Variants in MAX observed in about 807,000 individuals in gnomAD.
MAX encodes the protein MYC associated transcriptional regulator X, also known as protein max.
A neutral mutation model predicts 22.3 loss-of-function variants in MAX; 3 were observed. That is an observed-to-expected ratio of 0.13 (90% CI 0.06 to 0.35). The LOEUF (loss-of-function observed/expected upper bound fraction) is 0.35. MAX is among the 10% of genes least tolerant of loss of function. The probability of loss-of-function intolerance (pLI) is 1.00; values close to 1 mark genes in which losing one functional copy is unlikely to be tolerated. For synonymous variants in MAX, 72 were observed against 77.7 expected (o/e 0.93, Z 0.39); for missense variants, 119 against 209.4 (o/e 0.57, Z 2.66).
At chr14:65,087,050 G>A (rs1309846254) in intron 3 of MAX, among the ~76,000 whole-genome samples, 3 of 152,250 alleles carry the variant, frequency 2.0e-5, no homozygotes, top group Admixed American at 6.5e-5. Flanking sequence ...GAGGGTGCCA[G>A]CCCCAAGCCT....
chr14:65,089,830 G>T, intron 3 of MAX: 1 of 124,274 alleles, frequency 8.0e-6, no homozygotes, highest in South Asian at 2.9e-4. Context: ...AGTTGATCTT[G>T]CCCTTACTCC....
At chr14:65,016,239 G>A (rs1327615638) in intron 3 of MAX, among the ~76,000 whole-genome samples, 1 of 152,136 alleles carries the variant, frequency 6.6e-6, no homozygotes, top group Non-Finnish European at 1.5e-5. Flanking sequence ...AAACCTGATC[G>A]ATGATTAGAG....
intron 3 of MAX, among the ~76,000 whole-genome samples, chr14:65,022,758 TCTGA>T (rs2061912386): frequency 6.6e-6 from 1 of 152,200 alleles, no homozygotes; most frequent in Admixed American, 6.5e-5. Context: ...CAGATACAGT[TCTGA>T]CTAATACTGC....
chr14:65,037,747 TA>T (rs200418286), intron 3 of MAX, among the ~76,000 whole-genome samples: 26,374 of 93,962 alleles, frequency 0.28, 3,048 homozygotes, highest in Non-Finnish European at 0.32. Context: ...ATTTATTATT[TA>T]TTTATTTATT....
upstream of MAX, chr14:65,102,549 C>G: frequency 1.4e-6 from 2 of 1,445,514 alleles, no homozygotes; most frequent in Non-Finnish European, 1.8e-6. Flanking sequence ...CACGCACGCC[C>G]GGTCGGCCCC....
chr14:65,042,871 G>T (rs1185208633), intron 3 of MAX, among the ~76,000 whole-genome samples: 4 of 152,212 alleles, frequency 2.6e-5, no homozygotes, highest in African/African-American at 9.6e-5. Flanking sequence ...CATGCTGGAA[G>T]CCCTGGTTCA....
At chr14:65,060,600 G>C (rs2062840752) in intron 3 of MAX, among the ~76,000 whole-genome samples, 1 of 113,322 alleles carries the variant, frequency 8.8e-6, no homozygotes, top group Non-Finnish European at 1.6e-5. Flanking sequence ...GGAGGCTGAG[G>C]CAGGAGAATG....
In MAX at chr14:65,009,870, G is replaced by A. The variant is rs1002943934; in HGVS notation, c.172-3586C>T. ...GCTGATCACAGCGTTTATTGGACAG[G>A]GCTCTGCTTGTCATTTTCACATGTG... On this transcript the variant is annotated intron_variant, in intron 3 of 3. Coordinates refer to the MAX transcript ENST00000341653. This position sits in a 1 kb window ranked among gnomAD's most constrained non-coding sequence, Gnocchi z 4.2. Among the ~76,000 whole-genome samples the A allele has an allele frequency of 3.9e-5, 6 of 152,070 alleles. 1 individual carries two copies. Among genetic ancestry groups the A allele is most frequent in the Admixed American group, 3.3e-4 (5 of 15,252 alleles).
chr14:65,058,281 T>G (rs1470569275), intron 3 of MAX, among the ~76,000 whole-genome samples: 4 of 152,060 alleles, frequency 2.6e-5, no homozygotes, highest in South Asian at 4.1e-4. Flanking sequence ...GTTAGAGTTA[T>G]GTCTAATTTA....
Position 65,054,611 on chromosome 14 carries a change from C to T in MAX, c.171+39097G>A, listed in dbSNP as rs765948181. On this transcript the variant is annotated intron_variant, in intron 3 of 3. Coordinates refer to the MAX transcript ENST00000341653. The surrounding 1 kb of genome is among the most constrained non-coding windows in gnomAD (Gnocchi z 4.4). Reference sequence around the variant, plus strand: ...TCTACCACACCTGCTACTGCCTGAGCGGCCTGTCCATAGCCCAGCACTTCG... The same window carrying T: ...TCTACCACACCTGCTACTGCCTGAGTGGCCTGTCCATAGCCCAGCACTTCG... The T allele has an allele frequency of 8.7e-6, 14 of 1,613,650 alleles. No individual in the cohort carries two copies. The highest frequency in any genetic ancestry group is 2.2e-5 in the South Asian group (2 of 90,978).
intron 3 of MAX, chr14:65,015,551 C>G: frequency 6.6e-7 from 1 of 1,523,926 alleles, no homozygotes; most frequent in Non-Finnish European, 9.0e-7. Flanking sequence ...GGGAGTGAGA[C>G]AGATACAGCC....
In MAX at chr14:65,031,052, C is replaced by T. The variant is rs1016991163; in HGVS notation, c.172-24768G>A. 6.6e-6 allele frequency among the ~76,000 whole-genome samples: 1 copy of T among 152,046 alleles called. No homozygotes were observed. The highest frequency in any genetic ancestry group is 2.4e-5 in the African/African-American group (1 of 41,408). ...CGAACTCCTGACCTCAAATAATCCA[C>T]CTGCCTTAGCCTCCCAAAGTGCTGG... is the stretch of plus-strand genomic sequence containing the variant. On this transcript the variant is annotated intron_variant, in intron 3 of 3. Transcript: ENST00000341653. The surrounding 1 kb of genome is among the most constrained non-coding windows in gnomAD (Gnocchi z 4.6).
chr14:65,093,424 GTATAGT>G lies in MAX; in HGVS notation c.171+278_171+283del, dbSNP rs1226508238. The G allele has an allele frequency of 4.6e-6, 2 of 435,050 alleles. No individual in the cohort carries two copies. The highest frequency in any genetic ancestry group is 2.0e-5 in the African/African-American group (1 of 49,688). 26.9% of individuals were successfully genotyped at this position (435,050 alleles called of 1,614,324 possible). A position where few individuals can be genotyped will look rare whatever the true frequency, so the allele number is the denominator to read the frequency against. On this transcript the variant is annotated intron_variant, in intron 3 of 4. Coordinates refer to ENST00000358664, the MANE Select transcript of MAX (RefSeq NM_002382.5). This position sits in a 1 kb window ranked among gnomAD's most constrained non-coding sequence, Gnocchi z 4.4. ...TCTTGGCCACTCTTTATACTATAGT[GTATAGT>G]TATAATTTCTTGAATTTATTACAAA...
Position 65,032,348 on chromosome 14 carries a change from C to T in MAX, c.172-26064G>A. 3.0e-6 allele frequency: 1 copy of T among 331,942 alleles called. No individual in the cohort carries two copies. The highest frequency in any genetic ancestry group is 7.2e-5 in the South Asian group (1 of 13,880). The allele number at this position is 331,942 out of a possible 1,614,324, so 20.6% of individuals were successfully genotyped here. Reference sequence around the variant, plus strand: ...CATGAATTGATATGGCTGTTATTTCCTCTGATGTAGATTGGACCATGTGGA... The same window carrying T: ...CATGAATTGATATGGCTGTTATTTCTTCTGATGTAGATTGGACCATGTGGA... On this transcript the variant is annotated intron_variant, in intron 3 of 3. Coordinates refer to the MAX transcript ENST00000341653. The surrounding 1 kb of genome is among the most constrained non-coding windows in gnomAD (Gnocchi z 5.0).
chr14:65,030,973 A>G lies in MAX; in HGVS notation c.172-24689T>C, dbSNP rs1013501408. On this transcript the variant is annotated intron_variant, in intron 3 of 3. Transcript: ENST00000341653. The surrounding 1 kb of genome is among the most constrained non-coding windows in gnomAD (Gnocchi z 4.5). ...CAGGCGTGTGCCACCATGCCCAGCT[A>G]ATTTTTGTATTTTTAGTAGAGACGA... Among the ~76,000 whole-genome samples, 5 of 151,898 alleles carry G rather than the reference A, an allele frequency of 3.3e-5. No individual in the cohort carries two copies. Among genetic ancestry groups the G allele is most frequent in the African/African-American group, 1.2e-4 (5 of 41,336 alleles).
Position 65,044,550 on chromosome 14 carries a change from T to C in MAX, c.172-38266A>G, listed in dbSNP as rs891948705. 9.5e-6 allele frequency: 14 copies of C among 1,480,088 alleles called. No homozygotes were observed. Among genetic ancestry groups the C allele is most frequent in the Non-Finnish European group, 1.3e-5 (14 of 1,117,258 alleles). The allele number at this position is 1,480,088 out of a possible 1,614,324, so 91.7% of individuals were successfully genotyped here. On this transcript the variant is annotated intron_variant, in intron 3 of 3. Transcript: ENST00000341653. The surrounding 1 kb of genome is among the most constrained non-coding windows in gnomAD (Gnocchi z 5.5). Reference sequence around the variant, plus strand: ...TAGAGGGGTTGAAATGAGCTCTGTCTATCCTGGATTTTGAGTGCCCAGTGT... The same window carrying C: ...TAGAGGGGTTGAAATGAGCTCTGTCCATCCTGGATTTTGAGTGCCCAGTGT...
intron 3 of MAX, chr14:65,040,849 A>G (rs1318827628): frequency 6.2e-7 from 1 of 1,613,878 alleles, no homozygotes; most frequent in African/African-American, 1.3e-5. Context: ...CATGGTGGCT[A>G]TACCTTCTGT....
Position 65,077,694 on chromosome 14 carries a change from G to C in MAX, c.295+219C>G. 1 of 1,554,318 alleles carries C rather than the reference G, an allele frequency of 6.4e-7. No individual in the cohort carries two copies. Among genetic ancestry groups the C allele is most frequent in the Non-Finnish European group, 8.7e-7 (1 of 1,150,404 alleles). Reference sequence around the variant, plus strand: ...AGGCCAGAAAAGATACAAGTCTCCAGATGTCCAACTTCCTAGCTTCCACTG... The same window carrying C: ...AGGCCAGAAAAGATACAAGTCTCCACATGTCCAACTTCCTAGCTTCCACTG... On this transcript the variant is annotated intron_variant, in intron 4 of 4. Coordinates refer to ENST00000358664, the MANE Select transcript of MAX (RefSeq NM_002382.5). This position sits in a 1 kb window ranked among gnomAD's most constrained non-coding sequence, Gnocchi z 6.3.
At chr14:65,033,820 GCACTCCAGCCTGGGC>G (rs1481970086) in intron 3 of MAX, among the ~76,000 whole-genome samples, 1 of 152,186 alleles carries the variant, frequency 6.6e-6, no homozygotes, top group African/African-American at 2.4e-5. Context: ...TCACGCCACT[GCACTCCAGCCTGGGC>G]GACAGGGCGA....
Sources: allele counts gnomAD v4.1 joint callset (sites outside exome capture counted in the v4.1 genomes callset), GRCh38; gene constraint gnomAD v4.1.1; non-coding constraint Gnocchi (gnomAD v3.1); transcripts MANE v1.5; gene names NCBI Gene and HGNC (gene_info 2026-07-23, HGNC 2026-07-21).